The following MAPKAP1 variants were observed in gnomAD, a reference collection of about 807,000 sequenced individuals.
MAPKAP1 encodes target of rapamycin complex 2 subunit MAPKAP1.
A neutral mutation model predicts 65.7 loss-of-function variants in MAPKAP1; 20 were observed. The observed-to-expected ratio is 0.30, with a 90% CI of 0.21 to 0.44. The LOEUF is 0.44. Among genes scored for constraint, MAPKAP1 ranks in the 20% least tolerant of loss-of-function variants. The pLI, the probability that MAPKAP1 is intolerant of heterozygous loss-of-function variation, is 1.00. For missense variants in MAPKAP1, 423 were observed against 648.0 expected (o/e 0.65, Z 3.77); for synonymous variants, 222 against 244.3 (o/e 0.91, Z 0.85).
At chr9:125,699,132 G>C (rs1446992942) in intron 1 of MAPKAP1, among the ~76,000 whole-genome samples, 2 of 152,136 alleles carry the variant, frequency 1.3e-5, no homozygotes, top group Non-Finnish European at 2.9e-5. Flanking sequence ...CTGGGGATAA[G>C]ACACAAGTCT....
At chr9:125,583,041 A>G (rs1246380908) in intron 5 of MAPKAP1, among the ~76,000 whole-genome samples, 1 of 152,216 alleles carries the variant, frequency 6.6e-6, no homozygotes, top group African/African-American at 2.4e-5. Flanking sequence ...ATGGACTCCT[A>G]GCACACTCTG....
chr9:125,621,794 AATAATTTGAAC>A (rs1832908130), intron 4 of MAPKAP1, among the ~76,000 whole-genome samples: 1 of 152,252 alleles, frequency 6.6e-6, no homozygotes, highest in Non-Finnish European at 1.5e-5. Flanking sequence ...GCTACTATTT[AATAATTTGAAC>A]ATATTTGATG....
At chr9:125,528,985 C>T (rs1257811629) in intron 7 of MAPKAP1, among the ~76,000 whole-genome samples, 1 of 150,954 alleles carries the variant, frequency 6.6e-6, no homozygotes, top group Non-Finnish European at 1.5e-5. Flanking sequence ...GCCAACATGG[C>T]GAAAACCCCT....
chr9:125,556,364 C>A (rs1589285215), intron 6 of MAPKAP1, among the ~76,000 whole-genome samples: 1 of 152,212 alleles, frequency 6.6e-6, no homozygotes, highest in Admixed American at 6.5e-5. Flanking sequence ...CAGGTTAAAC[C>A]AACACCAGAT....
intron 6 of MAPKAP1, among the ~76,000 whole-genome samples, chr9:125,557,231 C>T (rs150227819): frequency 9.2e-5 from 14 of 152,268 alleles, no homozygotes; most frequent in African/African-American, 2.6e-4. Context: ...TGAATCCTAG[C>T]CCCACTCCAC....
intron 4 of MAPKAP1, among the ~76,000 whole-genome samples, chr9:125,603,024 A>T (rs1006466812): frequency 1.3e-5 from 2 of 152,026 alleles, no homozygotes; most frequent in African/African-American, 4.8e-5. Flanking sequence ...CCTCCCAAGA[A>T]GCTGGGACTA....
intron 1 of MAPKAP1, among the ~76,000 whole-genome samples, chr9:125,703,152 C>T (rs994338511): frequency 6.6e-6 from 1 of 152,224 alleles, no homozygotes; most frequent in Non-Finnish European, 1.5e-5. Flanking sequence ...TGAGCAGCAA[C>T]TGCTCCCTTT....
intron 1 of MAPKAP1, among the ~76,000 whole-genome samples, chr9:125,698,316 TATATATATATATATATATATAAA>T (rs1319340230): frequency 1.2e-5 from 1 of 86,638 alleles, no homozygotes; most frequent in Non-Finnish European, 2.1e-5. Context: ...TATATATATA[TATATATATATATATATATATAAA>T]ATATATATAT....
At chr9:125,459,641 C>T (rs983179836) in intron 10 of MAPKAP1, among the ~76,000 whole-genome samples, 1 of 152,222 alleles carries the variant, frequency 6.6e-6, no homozygotes, top group Non-Finnish European at 1.5e-5. Flanking sequence ...AGCGAAACCC[C>T]GTCTCCACGA....
intron 10 of MAPKAP1, among the ~76,000 whole-genome samples, chr9:125,450,483 T>C (rs1852903616): frequency 6.6e-6 from 1 of 152,186 alleles, no homozygotes; most frequent in African/African-American, 2.4e-5. Flanking sequence ...CTTTCCCTGT[T>C]GCAACAATTT....
intron 7 of MAPKAP1, among the ~76,000 whole-genome samples, chr9:125,517,262 G>A (rs1203772510): frequency 1.3e-5 from 2 of 152,204 alleles, no homozygotes; most frequent in African/African-American, 4.8e-5. Flanking sequence ...AAGATGCTGT[G>A]TGGGAGACCA....
At chr9:125,494,546 AAC>A (rs1221962859) in intron 8 of MAPKAP1, among the ~76,000 whole-genome samples, 4 of 152,214 alleles carry the variant, frequency 2.6e-5, no homozygotes, top group African/African-American at 9.7e-5. Context: ...GTCAGAAAGA[AAC>A]AGTTTCAGGT....
At chr9:125,446,669 C>T (rs1024088896) in intron 10 of MAPKAP1, among the ~76,000 whole-genome samples, 20 of 152,094 alleles carry the variant, frequency 1.3e-4, no homozygotes, top group Admixed American at 2.6e-4. Flanking sequence ...CAACTGGTCA[C>T]GACACACAAA....
chr9:125,456,032 A>G (rs1287933749), intron 10 of MAPKAP1, among the ~76,000 whole-genome samples: 1 of 152,174 alleles, frequency 6.6e-6, no homozygotes, highest in Non-Finnish European at 1.5e-5. Flanking sequence ...TTCTAAGTTG[A>G]CAGACTTTTT....
intron 4 of MAPKAP1, among the ~76,000 whole-genome samples, chr9:125,641,761 G>T (rs189309281): frequency 1.1e-4 from 17 of 152,216 alleles, no homozygotes; most frequent in Admixed American, 3.3e-4. Flanking sequence ...GCCAGGCGTG[G>T]TGGCTCATAC....
At chr9:125,685,276 G>A (rs1035904368) in intron 1 of MAPKAP1, among the ~76,000 whole-genome samples, 3 of 151,926 alleles carry the variant, frequency 2.0e-5, no homozygotes, top group African/African-American at 7.3e-5. Flanking sequence ...AGTTGCAACA[G>A]TAAATGAAAT....
intron 5 of MAPKAP1, 148 bp from the exon 6 acceptor site, chr9:125,559,957 T>A: frequency 1.4e-6 from 1 of 711,594 alleles, no homozygotes; most frequent in African/African-American, 1.8e-5. Flanking sequence ...AAATCCTACT[T>A]CATTTGATAG....
intron 9 of MAPKAP1, among the ~76,000 whole-genome samples, chr9:125,468,353 A>G (rs1853763768): frequency 6.6e-6 from 1 of 152,378 alleles, no homozygotes; most frequent in Non-Finnish European, 1.5e-5. Flanking sequence ...CCCCCAAACT[A>G]TATGAGAAGG....
chr9:125,493,387 T>C (rs1318801470), intron 8 of MAPKAP1, among the ~76,000 whole-genome samples: 1 of 152,218 alleles, frequency 6.6e-6, no homozygotes, highest in African/African-American at 2.4e-5. Flanking sequence ...TTATAGCCCT[T>C]TATTGAAGGT....
Sources: gnomAD v4.1 joint callset for allele counts (sites outside exome capture counted in the v4.1 genomes callset) on GRCh38, gnomAD v4.1.1 for gene constraint, MANE v1.5 for transcripts, NCBI Gene and HGNC (gene_info 2026-07-23, HGNC 2026-07-21) for gene names.